DTNBP1: variants seen among roughly 807,000 people sequenced by gnomAD.
DTNBP1 encodes the protein dysbindin.
Under a neutral mutation model 42.8 loss-of-function variants are expected in DTNBP1, and 35 were observed. The ratio of observed to expected loss-of-function variants is 0.82; its 90% CI spans 0.63 to 1.09. The LOEUF (loss-of-function observed/expected upper bound fraction) is 1.09, where lower values mean the gene tolerates loss of function less well. Ranked by LOEUF, DTNBP1 falls within the 50% of genes least tolerant of loss-of-function variation. The pLI is 0.00. For missense variants in DTNBP1, 457 were observed against 424.2 expected, an observed-to-expected ratio of 1.08 and a Z score of -0.68; for synonymous variants, 171 against 162.2, an observed-to-expected ratio of 1.05 and a Z score of -0.41.
intron 7 of DTNBP1, among the ~76,000 whole-genome samples, chr6:15,581,081 A>G (rs1419568156): frequency 6.6e-6 from 1 of 152,098 alleles, no homozygotes. Flanking sequence ...TCATAAACGG[A>G]CTCTACATGG....
At chr6:15,659,905 T>C (rs1581447473) in intron 1 of DTNBP1, among the ~76,000 whole-genome samples, 1 of 152,162 alleles carries the variant, frequency 6.6e-6, no homozygotes, top group East Asian at 1.9e-4. Context: ...GCTCAAGGGA[T>C]CCTCCTGCCT....
At chr6:15,657,686 G>A (rs1761362958) in intron 1 of DTNBP1, among the ~76,000 whole-genome samples, 1 of 152,212 alleles carries the variant, frequency 6.6e-6, no homozygotes, top group Non-Finnish European at 1.5e-5. Context: ...TAGAACGAGA[G>A]TAAGGATCTT....
chr6:15,628,118 T>C (rs573772728), intron 4 of DTNBP1, among the ~76,000 whole-genome samples: 1 of 152,316 alleles, frequency 6.6e-6, no homozygotes, highest in East Asian at 1.9e-4. Flanking sequence ...TAATTCTAAC[T>C]TCTTTTGCTA....
chr6:15,523,634 A>G (rs1462864526), intron 9 of DTNBP1: 2 of 1,287,168 alleles, frequency 1.6e-6, no homozygotes, highest in Non-Finnish European at 2.0e-6. Context: ...ACTGACCTTC[A>G]GCAGTTCTCC....
At chr6:15,602,471 G>C (rs913830267) in intron 6 of DTNBP1, among the ~76,000 whole-genome samples, 12 of 152,274 alleles carry the variant, frequency 7.9e-5, no homozygotes, top group Non-Finnish European at 1.5e-4. Context: ...CATGGTTTTA[G>C]CTACATTCAA....
chr6:15,579,862 G>A (rs1775748361), intron 7 of DTNBP1: 1 of 455,338 alleles, frequency 2.2e-6, no homozygotes, highest in Non-Finnish European at 4.4e-6. Context: ...GCAAAGAAAT[G>A]TTTGAGGTGA....
intron 7 of DTNBP1, among the ~76,000 whole-genome samples, chr6:15,583,154 A>G (rs533459354): frequency 1.6e-4 from 24 of 152,014 alleles, no homozygotes; most frequent in African/African-American, 5.6e-4. Flanking sequence ...CTAATTTTTA[A>G]ATTTTTTTGT....
chr6:15,621,736 A>G (rs2113721795), intron 5 of DTNBP1, among the ~76,000 whole-genome samples: 1 of 152,272 alleles, frequency 6.6e-6, no homozygotes, highest in East Asian at 1.9e-4. Context: ...TCTGGCCACA[A>G]ACTGTTTACT....
rs144223223 is a variant in DTNBP1 at position 15,582,191 on chromosome 6, C to T, written c.511+10868G>A. On this transcript the variant is annotated intron_variant, in intron 7 of 9. Transcript: ENST00000344537. ...AATGCAATACCTAAAGAACACTGAA[C>T]ACTATGGAAACTCAAAACTTGTCTA... Among the ~76,000 whole-genome samples, 31 of 152,256 alleles carry T rather than the reference C, an allele frequency of 2.0e-4. 1 individual carries two copies. The East Asian group carries it at 5.6e-3, about 27-fold the overall frequency.
chr6:15,536,644 G>A (rs546370872), intron 7 of DTNBP1, among the ~76,000 whole-genome samples: 41 of 152,358 alleles, frequency 2.7e-4, no homozygotes, highest in African/African-American at 9.4e-4. Flanking sequence ...CAGCCCTCAT[G>A]GAGATCTCTA....
intron 1 of DTNBP1, 42 bp downstream of exon 1, chr6:15,662,772 C>T (rs1761725574): frequency 1.9e-6 from 3 of 1,611,120 alleles, no homozygotes; most frequent in Non-Finnish European, 2.5e-6. Flanking sequence ...GGCGGCGGCC[C>T]GGCCCCCTCA....
At chr6:15,591,127 G>A (rs1412234581) in intron 7 of DTNBP1, among the ~76,000 whole-genome samples, 1 of 90,598 alleles carries the variant, frequency 1.1e-5, no homozygotes, top group East Asian at 3.4e-4. Flanking sequence ...TTTTTTTTTT[G>A]AGACAAGAGT....
rs1554151131 is a variant in DTNBP1, at chr6:15,523,576, T to TTA, written c.812-358_812-357insTA. The TTA allele has an allele frequency of 4.8e-3, 5,966 of 1,253,200 alleles. 4 individuals are homozygous for TTA. The highest frequency in any genetic ancestry group is 5.5e-3 in the Non-Finnish European group (5,335 of 976,596). 77.6% of individuals were successfully genotyped at this position (1,253,200 alleles called of 1,614,324 possible). A position where few individuals can be genotyped will look rare whatever the true frequency, so the allele number is the denominator to read the frequency against. ...AATCTAGATTTCTTTTTTTTTTTTTTACCCTTTGCAGTAATTCAGAGACAC... is the reference window on the plus strand; with the variant it reads ...AATCTAGATTTCTTTTTTTTTTTTTTTAACCCTTTGCAGTAATTCAGAGACAC... On this transcript the variant is annotated intron_variant, in intron 9 of 9. Coordinates refer to ENST00000344537, the MANE Select transcript of DTNBP1 (RefSeq NM_032122.5).
rs533272111 is a variant in DTNBP1 at position 15,568,342 on chromosome 6, A to G, written c.511+24717T>C. On this transcript the variant is annotated intron_variant, in intron 7 of 9. Transcript: ENST00000344537. ...ACTATTCATCAAAGTTAACATAAAAATACATAGGTGTCCCTGTTTCTTTGT... is the reference window on the plus strand; with the variant it reads ...ACTATTCATCAAAGTTAACATAAAAGTACATAGGTGTCCCTGTTTCTTTGT... Among the ~76,000 whole-genome samples the G allele has an allele frequency of 2.0e-5, 3 of 152,368 alleles. No individual in the cohort carries two copies. In the East Asian group the frequency reaches 5.8e-4, roughly 29 times the overall value.
intron 7 of DTNBP1, among the ~76,000 whole-genome samples, chr6:15,547,862 A>T (rs1408937480): frequency 6.6e-6 from 1 of 152,252 alleles, no homozygotes; most frequent in African/African-American, 2.4e-5. Flanking sequence ...GACAACATAC[A>T]GAAGTTTTCA....
intron 7 of DTNBP1, among the ~76,000 whole-genome samples, chr6:15,562,385 C>A (rs1774883081): frequency 1.3e-5 from 2 of 152,104 alleles, no homozygotes; most frequent in South Asian, 4.2e-4. Flanking sequence ...CTGTATACTT[C>A]AGAAAATTTA....
At chr6:15,612,337 T>C (rs1758453725) in intron 6 of DTNBP1, among the ~76,000 whole-genome samples, 1 of 152,216 alleles carries the variant, frequency 6.6e-6, no homozygotes, top group African/African-American at 2.4e-5. Flanking sequence ...AAACATAATT[T>C]TTATATGCAC....
At chr6:15,524,376 G>C (rs1332842867) in intron 9 of DTNBP1, 150 bp downstream of exon 9, 3 of 1,613,930 alleles carry the variant, frequency 1.9e-6, no homozygotes, top group South Asian at 1.1e-5. Context: ...ACACAGCCGT[G>C]TGGAACCGTG....
At chr6:15,646,135 A>G (rs901332081) in intron 3 of DTNBP1, among the ~76,000 whole-genome samples, 1 of 151,752 alleles carries the variant, frequency 6.6e-6, no homozygotes, top group Non-Finnish European at 1.5e-5. Context: ...CACAGCATCA[A>G]CTCATTTGAG....
Sources: gnomAD v4.1 joint callset for allele counts (sites outside exome capture counted in the v4.1 genomes callset) on GRCh38, gnomAD v4.1.1 for gene constraint, MANE v1.5 for transcripts, NCBI Gene and HGNC (gene_info 2026-07-23, HGNC 2026-07-21) for gene names.